Variants in TLL1 observed in about 807,000 individuals in gnomAD.
TLL1 encodes tolloid like 1.
In TLL1, 49 loss-of-function variants were observed where a neutral mutation model predicts 128.2. The observed-to-expected ratio is 0.38, with a 90% CI of 0.30 to 0.48. The LOEUF is 0.48. Among genes scored for constraint, TLL1 ranks in the 20% least tolerant of loss-of-function variants. The pLI, the probability that TLL1 is intolerant of heterozygous loss-of-function variation, is 0.96. For synonymous variants in TLL1, 454 were observed against 418.8 expected (o/e 1.08, Z -1.03); for missense variants, 1,123 against 1,242.0 (o/e 0.90, Z 1.44).
intron 1 of TLL1, among the ~76,000 whole-genome samples, chr4:165,883,231 T>C (rs1471161245): frequency 6.6e-6 from 1 of 152,210 alleles, no homozygotes. Flanking sequence ...TTTGTTAATA[T>C]CTCCCAGTGA....
intron 1 of TLL1, among the ~76,000 whole-genome samples, chr4:165,901,334 G>A (rs1254886824): frequency 2.0e-5 from 3 of 152,126 alleles, no homozygotes; most frequent in Non-Finnish European, 4.4e-5. Context: ...CTTGTTTTGG[G>A]AATTTTCAAC....
chr4:166,003,693 T>C lies in TLL1; in HGVS notation c.811+124T>C. The C allele has an allele frequency of 3.9e-6, 4 of 1,017,444 alleles. No homozygotes were observed. The East Asian group carries it at 1.0e-4, about 26-fold the overall frequency. 63.0% of individuals were successfully genotyped at this position (1,017,444 alleles called of 1,614,324 possible). On this transcript the variant is annotated intron_variant, in intron 6 of 20. Transcript: ENST00000061240. ...TATTTTTGATATGATAGAGTAACAT[T>C]TTGCTTGATTAAAAATCACCCATGA...
rs1002319201 is a variant in TLL1, at chr4:166,103,391, A to G, written c.*2515A>G. ...AAATTTAAAAAACCCTATAGTTTGG[A>G]GTTAGTATGAGCCTTTTGTGAAAAT... On this transcript the variant is annotated 3_prime_UTR_variant, in exon 21 of 21. Coordinates refer to ENST00000061240, the MANE Select transcript of TLL1 (RefSeq NM_012464.5). 1.3e-5 allele frequency: 2 copies of G among 151,778 alleles called. No homozygotes were observed. Among genetic ancestry groups the G allele is most frequent in the African/African-American group, 2.4e-5 (1 of 41,396 alleles). 9.4% of individuals were successfully genotyped at this position (151,778 alleles called of 1,614,324 possible). A position where few individuals can be genotyped will look rare whatever the true frequency, so the allele number is the denominator to read the frequency against.
intron 1 of TLL1, among the ~76,000 whole-genome samples, chr4:165,907,827 C>T (rs1360599942): frequency 6.6e-6 from 1 of 152,284 alleles, no homozygotes; most frequent in East Asian, 1.9e-4. Flanking sequence ...GGATTGCAGG[C>T]GTGAGCCACC....
Position 165,995,164 on chromosome 4 carries a change from C to CTATA in TLL1, c.619_622dup (p.Arg208IlefsTer2). 6.2e-7 allele frequency: 1 copy of CTATA among 1,612,756 alleles called. No individual in the cohort carries two copies. Among genetic ancestry groups the CTATA allele is most frequent in the Non-Finnish European group, 8.5e-7 (1 of 1,178,966 alleles). On this transcript the variant is annotated frameshift_variant, in exon 5 of 21. Transcript: ENST00000061240. LOFTEE classifies it high-confidence loss of function. ...ATGAAGAGAGTTACATTGTATTCAC[C>CTATA]TATAGGCCTTGTGGGTAAGTAGAAC...
chr4:165,927,129 C>T (rs189194462), intron 1 of TLL1, among the ~76,000 whole-genome samples: 4 of 152,170 alleles, frequency 2.6e-5, no homozygotes, highest in Admixed American at 1.3e-4. Context: ...TCCTAAAATG[C>T]ACAAGTATGT....
intron 1 of TLL1, among the ~76,000 whole-genome samples, chr4:165,896,295 G>A (rs1293720456): frequency 1.3e-5 from 2 of 152,014 alleles, no homozygotes; most frequent in African/African-American, 4.8e-5. Flanking sequence ...TTATTCCATG[G>A]TGTATATGTG....
intron 1 of TLL1, among the ~76,000 whole-genome samples, chr4:165,930,665 T>C (rs1733475332): frequency 6.6e-6 from 1 of 152,206 alleles, no homozygotes. Flanking sequence ...AAAACAAAAA[T>C]GAATTTCTGC....
intron 12 of TLL1, among the ~76,000 whole-genome samples, chr4:166,047,355 A>T (rs556596877): frequency 3.3e-5 from 5 of 151,638 alleles, no homozygotes; most frequent in Admixed American, 2.0e-4. Flanking sequence ...TAGTAGAGAC[A>T]GGGTTTCACC....
intron 1 of TLL1, among the ~76,000 whole-genome samples, chr4:165,988,688 T>C (rs1452741793): frequency 6.6e-6 from 1 of 151,968 alleles, no homozygotes; most frequent in Non-Finnish European, 1.5e-5. Flanking sequence ...TTTAGGGTAA[T>C]GACTTGGTGG....
At chr4:165,998,589 C>G (rs184449363) in intron 5 of TLL1, among the ~76,000 whole-genome samples, 3,242 of 151,842 alleles carry the variant, frequency 0.021, 123 homozygotes, top group African/African-American at 0.074. Flanking sequence ...GTCAGGAGCT[C>G]AAGACCATCC....
intron 1 of TLL1, among the ~76,000 whole-genome samples, chr4:165,929,159 T>A (rs1051920759): frequency 1.3e-5 from 2 of 152,182 alleles, no homozygotes; most frequent in African/African-American, 4.8e-5. Flanking sequence ...CAGCATTGTT[T>A]AACAAGGGGT....
intron 1 of TLL1, among the ~76,000 whole-genome samples, chr4:165,912,243 C>T (rs187358434): frequency 3.6e-4 from 55 of 152,270 alleles, no homozygotes; most frequent in African/African-American, 1.3e-3. Flanking sequence ...GGGACCCATA[C>T]ACCTAGTTTC....
intron 7 of TLL1, among the ~76,000 whole-genome samples, chr4:166,009,883 T>G (rs1472994725): frequency 2.0e-5 from 3 of 151,402 alleles, no homozygotes; most frequent in African/African-American, 7.3e-5. Context: ...AAGTCAGTAG[T>G]GTTATTTAAG....
chr4:165,934,001 CTCTT>C (rs1217385467), intron 1 of TLL1, among the ~76,000 whole-genome samples: 2 of 151,848 alleles, frequency 1.3e-5, no homozygotes, highest in African/African-American at 4.8e-5. Context: ...CGTTCATCCT[CTCTT>C]TCTTTTTTTT....
chr4:165,929,341 A>G (rs1354580493), intron 1 of TLL1, among the ~76,000 whole-genome samples: 1 of 152,172 alleles, frequency 6.6e-6, no homozygotes, highest in African/African-American at 2.4e-5. Context: ...GATCAAGACC[A>G]TCCTGGCCAC....
At chr4:166,003,087 G>T (rs571349787) in intron 5 of TLL1, among the ~76,000 whole-genome samples, 14 of 152,220 alleles carry the variant, frequency 9.2e-5, no homozygotes, top group Admixed American at 3.3e-4. Flanking sequence ...TGATATAAGT[G>T]TCATCACCAT....
At chr4:166,067,405 A>G (rs1183687428) in intron 16 of TLL1, among the ~76,000 whole-genome samples, 1 of 151,800 alleles carries the variant, frequency 6.6e-6, no homozygotes, top group Non-Finnish European at 1.5e-5. Context: ...TAGAAACAGT[A>G]CTGTTGAAAT....
chr4:166,036,793 G>C (rs1739022083), intron 9 of TLL1, among the ~76,000 whole-genome samples: 1 of 106,774 alleles, frequency 9.4e-6, no homozygotes, highest in South Asian at 2.8e-4. Flanking sequence ...ATCCAACTGT[G>C]TGTGTGTGTG....
Sources: gnomAD v4.1 joint callset for allele counts (sites outside exome capture counted in the v4.1 genomes callset) on GRCh38, gnomAD v4.1.1 for gene constraint, MANE v1.5 for transcripts, NCBI Gene and HGNC (gene_info 2026-07-23, HGNC 2026-07-21) for gene names.